The following CPNE8 variants were observed in gnomAD, a reference collection of about 807,000 sequenced individuals.
CPNE8 encodes the protein copine-8.
A neutral mutation model predicts 81.5 loss-of-function variants in CPNE8; 45 were observed. The observed-to-expected ratio is 0.55, with a 90% CI of 0.44 to 0.71. CPNE8 has a LOEUF of 0.71. CPNE8 is among the 30% of genes least tolerant of loss of function. The probability of loss-of-function intolerance (pLI) is 0.00; values close to 1 mark genes in which losing one functional copy is unlikely to be tolerated. For synonymous variants in CPNE8, 252 were observed against 226.3 expected, an observed-to-expected ratio of 1.11 and a Z score of -1.02; for missense variants, 594 against 672.1, an observed-to-expected ratio of 0.88 and a Z score of 1.28.
At chr12:38,780,986 A>G (rs752196918) in intron 6 of CPNE8, among the ~76,000 whole-genome samples, 6 of 152,060 alleles carry the variant, frequency 3.9e-5, no homozygotes, top group Non-Finnish European at 8.8e-5. Context: ...AAACTAAAAT[A>G]ACAAATACAA....
At chr12:38,805,507 G>C (rs1331907779) in intron 6 of CPNE8, among the ~76,000 whole-genome samples, 8 of 104,886 alleles carry the variant, frequency 7.6e-5, no homozygotes, top group Admixed American at 1.0e-4. Flanking sequence ...TCTGGGGACT[G>C]TGGTGGGGTC....
intron 6 of CPNE8, among the ~76,000 whole-genome samples, chr12:38,792,880 A>G (rs1942358708): frequency 6.6e-6 from 1 of 151,800 alleles, no homozygotes; most frequent in Non-Finnish European, 1.5e-5. Flanking sequence ...AAAGAATTAT[A>G]CACCATCACC....
At chr12:38,879,106 C>T (rs942504064) in intron 1 of CPNE8, among the ~76,000 whole-genome samples, 1 of 151,912 alleles carries the variant, frequency 6.6e-6, no homozygotes, top group African/African-American at 2.4e-5. Flanking sequence ...AAATAAGTAC[C>T]TTATTGAGAG....
intron 1 of CPNE8, among the ~76,000 whole-genome samples, chr12:38,893,078 G>A (rs746480545): frequency 3.7e-4 from 56 of 152,038 alleles, no homozygotes; most frequent in Non-Finnish European, 6.0e-4. Flanking sequence ...AAAGGTTTAA[G>A]AGCCTATGTC....
chr12:38,705,275 A>G (rs1940076167), intron 13 of CPNE8, among the ~76,000 whole-genome samples: 1 of 152,162 alleles, frequency 6.6e-6, no homozygotes, highest in African/African-American at 2.4e-5. Context: ...CTGCTATTAC[A>G]GCATAGGGTC....
chr12:38,709,147 A>T (rs1243997444), intron 13 of CPNE8, among the ~76,000 whole-genome samples: 2 of 152,206 alleles, frequency 1.3e-5, no homozygotes, highest in Non-Finnish European at 2.9e-5. Flanking sequence ...TATGTATTCT[A>T]GTTCACACTT....
chr12:38,662,850 A>C lies in CPNE8; in HGVS notation c.1506+7879T>G, dbSNP rs146039100. ...AAATAAATTCACATATTTACAGCCAACTGATTTTTGACAAATGCATCAAGA... is the reference window on the plus strand; with the variant it reads ...AAATAAATTCACATATTTACAGCCACCTGATTTTTGACAAATGCATCAAGA... On this transcript the variant is annotated intron_variant, in intron 19 of 19. Coordinates refer to ENST00000331366, the MANE Select transcript of CPNE8 (RefSeq NM_153634.3). 7.2e-5 allele frequency among the ~76,000 whole-genome samples: 11 copies of C among 152,246 alleles called. No homozygotes were observed. The East Asian group carries it at 2.1e-3, about 29-fold the overall frequency.
chr12:38,820,147 C>T (rs993868023), intron 6 of CPNE8, among the ~76,000 whole-genome samples: 11 of 152,162 alleles, frequency 7.2e-5, no homozygotes, highest in Non-Finnish European at 1.3e-4. Flanking sequence ...TGGCTCACTC[C>T]TGTAATCCCA....
intron 10 of CPNE8, among the ~76,000 whole-genome samples, chr12:38,741,889 G>A (rs1346108757): frequency 1.3e-5 from 2 of 152,022 alleles, no homozygotes; most frequent in African/African-American, 4.8e-5. Context: ...TTCTCAAAAG[G>A]AAACATTTAT....
At chr12:38,785,763 C>A (rs920653556) in intron 6 of CPNE8, among the ~76,000 whole-genome samples, 3 of 151,898 alleles carry the variant, frequency 2.0e-5, no homozygotes, top group Non-Finnish European at 2.9e-5. Flanking sequence ...AGCAGAGGAA[C>A]AAAGTTAAAG....
intron 1 of CPNE8, among the ~76,000 whole-genome samples, chr12:38,874,955 C>T (rs749110256): frequency 9.9e-5 from 15 of 152,144 alleles, no homozygotes; most frequent in Admixed American, 2.6e-4. Flanking sequence ...AATTAGAATA[C>T]AGTTGTGAAG....
chr12:38,663,283 A>G (rs185837299), intron 19 of CPNE8, among the ~76,000 whole-genome samples: 2,241 of 152,142 alleles, frequency 0.015, 33 homozygotes, highest in South Asian at 0.044. Flanking sequence ...AAAAACAAAA[A>G]ACAAAAAACA....
chr12:38,772,220 C>T (rs1243822549), intron 7 of CPNE8, among the ~76,000 whole-genome samples: 1 of 152,098 alleles, frequency 6.6e-6, no homozygotes, highest in Non-Finnish European at 1.5e-5. Context: ...AAGCCAGTAC[C>T]ATGCTCTTGA....
At chr12:38,744,070 AAAGTT>A (rs542072686) in intron 10 of CPNE8, among the ~76,000 whole-genome samples, 56 of 152,304 alleles carry the variant, frequency 3.7e-4, no homozygotes, top group African/African-American at 1.3e-3. Context: ...TCGAGTGTGA[AAAGTT>A]AAGTATCTGT....
chr12:38,687,374 CTTTTTTT>C (rs61259310), intron 15 of CPNE8, among the ~76,000 whole-genome samples: 2 of 58,660 alleles, frequency 3.4e-5, no homozygotes, highest in African/African-American at 1.1e-4. Context: ...CCAAGACTTT[CTTTTTTT>C]TTTTTTTTTT....
chr12:38,687,370 CTTTCTTTTTT>C (rs1939556089), intron 15 of CPNE8, among the ~76,000 whole-genome samples: 1 of 95,494 alleles, frequency 1.0e-5, no homozygotes. Flanking sequence ...AATGCCAAGA[CTTTCTTTTTT>C]TTTTTTTTTT....
At chr12:38,718,088 T>C (rs1940454295) in intron 13 of CPNE8, among the ~76,000 whole-genome samples, 1 of 152,074 alleles carries the variant, frequency 6.6e-6, no homozygotes, top group South Asian at 2.1e-4. Flanking sequence ...TCAAATGTAC[T>C]AATAAATATG....
chr12:38,792,024 AC>A lies in CPNE8; in HGVS notation c.408-15724del, dbSNP rs950002591. 1.5e-3 allele frequency among the ~76,000 whole-genome samples: 233 copies of A among 150,954 alleles called. 1 individual carries two copies. The highest frequency in any genetic ancestry group is 5.3e-3 in the African/African-American group (220 of 41,330). ...CATAGGAGAAATTAAAAAAAAAAAA[AC>A]TTGAGACAAATGAAAATAAAAACAG... On this transcript the variant is annotated intron_variant, in intron 6 of 19. Transcript: ENST00000331366.
chr12:38,773,744 A>G (rs1422519981), intron 7 of CPNE8, among the ~76,000 whole-genome samples: 1 of 152,154 alleles, frequency 6.6e-6, no homozygotes, highest in Non-Finnish European at 1.5e-5. Flanking sequence ...AATGTTCCCT[A>G]AAGTATAAAT....
Sources: gnomAD v4.1 joint callset for allele counts (sites outside exome capture counted in the v4.1 genomes callset) on GRCh38, gnomAD v4.1.1 for gene constraint, MANE v1.5 for transcripts, NCBI Gene and HGNC (gene_info 2026-07-23, HGNC 2026-07-21) for gene names.